Variants in EPHA3 observed in about 807,000 individuals in gnomAD.
The protein encoded by EPHA3 is ephrin type-A receptor 3.
In EPHA3, 42 loss-of-function variants were observed where a neutral mutation model predicts 107.1. The observed-to-expected ratio is 0.39, with a 90% CI of 0.31 to 0.51. The LOEUF is 0.51. Among genes scored for constraint, EPHA3 ranks in the 20% least tolerant of loss-of-function variants. EPHA3 has a pLI of 0.78. For missense variants in EPHA3, 1,183 were observed against 1,211.2 expected, an observed-to-expected ratio of 0.98 and a Z score of 0.35; for synonymous variants, 461 against 424.8, an observed-to-expected ratio of 1.09 and a Z score of -1.05.
At chr3:89,470,753 T>G (rs148956898) in intron 15 of EPHA3, among the ~76,000 whole-genome samples, 8 of 152,338 alleles carry the variant, frequency 5.3e-5, no homozygotes, top group Non-Finnish European at 8.8e-5. Context: ...CAGTCAAGAA[T>G]GTGGACTGTG....
intron 3 of EPHA3, among the ~76,000 whole-genome samples, chr3:89,222,322 TATAC>T (rs1291211634): frequency 4.2e-5 from 2 of 47,792 alleles, no homozygotes; most frequent in African/African-American, 1.4e-4. Flanking sequence ...CATAAATACA[TATAC>T]ATATATATAT....
At chr3:89,109,778 A>G (rs114658943) in intron 1 of EPHA3, among the ~76,000 whole-genome samples, 1,865 of 152,190 alleles carry the variant, frequency 0.012, 38 homozygotes, top group African/African-American at 0.039. Context: ...AAATATATTC[A>G]GAAAGCTGAC....
At chr3:89,466,924 G>A (rs1710289709) in intron 15 of EPHA3, among the ~76,000 whole-genome samples, 1 of 152,038 alleles carries the variant, frequency 6.6e-6, no homozygotes, top group Admixed American at 6.5e-5. Flanking sequence ...TAAACCAGGT[G>A]TAACGGCTAT....
chr3:89,143,217 C>T (rs1196435174), intron 2 of EPHA3, among the ~76,000 whole-genome samples: 1 of 151,314 alleles, frequency 6.6e-6, no homozygotes, highest in East Asian at 1.9e-4. Flanking sequence ...TCTAGTAATA[C>T]TTTTGTGTTT....
At chr3:89,325,770 A>G (rs1004242312) in intron 3 of EPHA3, among the ~76,000 whole-genome samples, 6 of 152,074 alleles carry the variant, frequency 3.9e-5, no homozygotes, top group African/African-American at 9.7e-5. Context: ...CATACCATAA[A>G]TATTATTCAA....
At chr3:89,449,059 T>A (rs1156276706) in intron 13 of EPHA3, among the ~76,000 whole-genome samples, 166 bp from the exon 14 acceptor site, 2 of 151,604 alleles carry the variant, frequency 1.3e-5, no homozygotes, top group African/African-American at 4.8e-5. Flanking sequence ...GTATGCTACT[T>A]CTGCTTGGTA....
intron 5 of EPHA3, among the ~76,000 whole-genome samples, chr3:89,343,110 A>T (rs1707569596): frequency 6.6e-6 from 1 of 152,182 alleles, no homozygotes; most frequent in African/African-American, 2.4e-5. Context: ...AGAATATCAG[A>T]ATGTGTCCTG....
intron 2 of EPHA3, among the ~76,000 whole-genome samples, chr3:89,137,758 G>A (rs1704346201): frequency 6.6e-6 from 1 of 151,790 alleles, no homozygotes; most frequent in African/African-American, 2.4e-5. Flanking sequence ...AATGTCAAAG[G>A]GGCTGATACA....
At chr3:89,166,635 C>A (rs1705076274) in intron 2 of EPHA3, among the ~76,000 whole-genome samples, 1 of 152,150 alleles carries the variant, frequency 6.6e-6, no homozygotes, top group Non-Finnish European at 1.5e-5. Flanking sequence ...CCCAAATTCA[C>A]CTGCTTCCTC....
At chr3:89,390,514 T>C (rs143339853) in intron 5 of EPHA3, among the ~76,000 whole-genome samples, 2,431 of 150,702 alleles carry the variant, frequency 0.016, 68 homozygotes, top group African/African-American at 0.056. Flanking sequence ...GCAGGAGAAT[T>C]GCTTGAACCC....
At chr3:89,476,774 A>AT (rs1043779625) in intron 16 of EPHA3, among the ~76,000 whole-genome samples, 16 of 151,166 alleles carry the variant, frequency 1.1e-4, no homozygotes, top group African/African-American at 3.4e-4. Flanking sequence ...CGCCCCGCTA[A>AT]TTTTTTTGTA....
intron 2 of EPHA3, among the ~76,000 whole-genome samples, chr3:89,168,210 C>G (rs1254440607): frequency 6.6e-6 from 1 of 152,108 alleles, no homozygotes; most frequent in Non-Finnish European, 1.5e-5. Flanking sequence ...TTGTCCTAGA[C>G]CTCTGGCTGA....
At chr3:89,240,074 C>T (rs1309713395) in intron 3 of EPHA3, among the ~76,000 whole-genome samples, 1 of 152,116 alleles carries the variant, frequency 6.6e-6, no homozygotes, top group Non-Finnish European at 1.5e-5. Flanking sequence ...GTCATCTAAC[C>T]CCAGTGGGGC....
At chr3:89,455,630 A>G (rs1031765351) in intron 15 of EPHA3, among the ~76,000 whole-genome samples, 4 of 152,120 alleles carry the variant, frequency 2.6e-5, no homozygotes, top group Non-Finnish European at 5.9e-5. Context: ...TAACCTTTCG[A>G]CTTGTGCCAC....
At chr3:89,207,729 C>A (rs1050980675) in intron 2 of EPHA3, among the ~76,000 whole-genome samples, 121 of 152,020 alleles carry the variant, frequency 8.0e-4, no homozygotes, top group African/African-American at 2.9e-3. Flanking sequence ...GGGTTTTATT[C>A]ATAAATTTAA....
intron 7 of EPHA3, among the ~76,000 whole-genome samples, chr3:89,403,940 A>G (rs1376366667): frequency 6.6e-6 from 1 of 152,178 alleles, no homozygotes; most frequent in Non-Finnish European, 1.5e-5. Context: ...TTGTGTTTAA[A>G]CAAATAGTCC....
intron 3 of EPHA3, among the ~76,000 whole-genome samples, chr3:89,335,231 C>T (rs1576318205): frequency 1.3e-5 from 2 of 152,128 alleles, no homozygotes; most frequent in African/African-American, 2.4e-5. Flanking sequence ...CCAGCATATT[C>T]GGTGTCTGGT....
At chr3:89,434,833 T>C (rs1012890871) in intron 13 of EPHA3, among the ~76,000 whole-genome samples, 3 of 152,176 alleles carry the variant, frequency 2.0e-5, no homozygotes, top group Non-Finnish European at 2.9e-5. Context: ...ACTGAACAAA[T>C]AGGCTCATTC....
intron 2 of EPHA3, among the ~76,000 whole-genome samples, chr3:89,136,330 C>CTTTTGTTTTTTTTTTTTTTT (rs1704310011): frequency 4.3e-5 from 1 of 23,370 alleles, no homozygotes; most frequent in Non-Finnish European, 7.8e-5. Flanking sequence ...ATCTTACAGG[C>CTTTTGTTTTTTTTTTTTTTT]TTTTTTTTTT....
Sources: allele counts gnomAD v4.1 joint callset (sites outside exome capture counted in the v4.1 genomes callset), GRCh38; gene constraint gnomAD v4.1.1; transcripts MANE v1.5; gene names NCBI Gene and HGNC (gene_info 2026-07-23, HGNC 2026-07-21).